FIP1L1: variants seen among roughly 807,000 people sequenced by gnomAD.
FIP1L1 encodes factor interacting with PAPOLA and CPSF1, also known as pre-mRNA 3'-end-processing factor FIP1.
In FIP1L1, 21 loss-of-function variants were observed where a neutral mutation model predicts 84.6. That is an observed-to-expected ratio of 0.25 (90% CI 0.18 to 0.36). The LOEUF (loss-of-function observed/expected upper bound fraction) is 0.36. Ranked by LOEUF, FIP1L1 falls within the 10% of genes least tolerant of loss-of-function variation. The pLI is 1.00. For missense variants in FIP1L1, 526 were observed against 751.1 expected (o/e 0.70, Z 3.50); for synonymous variants, 263 against 242.3 (o/e 1.09, Z -0.80).
chr4:53,407,392 T>C (rs921225974), intron 10 of FIP1L1, among the ~76,000 whole-genome samples: 4 of 152,248 alleles, frequency 2.6e-5, no homozygotes, highest in African/African-American at 9.6e-5. Flanking sequence ...TTATAATTTC[T>C]GTTCTTTTAC....
chr4:53,458,531 T>A, intron 16 of FIP1L1, 122 bp from the exon 17 acceptor site: 1 of 868,960 alleles, frequency 1.2e-6, no homozygotes, highest in Non-Finnish European at 1.7e-6. Flanking sequence ...CTCACTAATG[T>A]TATAAAAGAT....
chr4:53,397,781 A>G (rs1365444583), intron 9 of FIP1L1, among the ~76,000 whole-genome samples: 6 of 152,144 alleles, frequency 3.9e-5, no homozygotes, highest in African/African-American at 1.4e-4. Context: ...GTATTAGATA[A>G]TTTCTATGGT....
intron 11 of FIP1L1, among the ~76,000 whole-genome samples, chr4:53,420,218 A>AAG (rs1761750547): frequency 7.0e-6 from 1 of 142,722 alleles, no homozygotes; most frequent in African/African-American, 2.8e-5. Context: ...AAAAAAAAAA[A>AAG]AAAAAAACCA....
At chr4:53,378,243 G>T (rs1735764624) in intron 1 of FIP1L1, 2 of 279,258 alleles carry the variant, frequency 7.2e-6, no homozygotes, top group Non-Finnish European at 6.7e-6. Flanking sequence ...CTTTACCCTT[G>T]TTTTTTTCTG....
At chr4:53,399,281 A>G (rs1474184133) in intron 9 of FIP1L1, among the ~76,000 whole-genome samples, 1 of 152,244 alleles carries the variant, frequency 6.6e-6, no homozygotes, top group Non-Finnish European at 1.5e-5. Flanking sequence ...TTTGTGTTAC[A>G]GGAAATCACA....
At chr4:53,445,313 C>T (rs1773724724) in intron 15 of FIP1L1, among the ~76,000 whole-genome samples, 1 of 152,270 alleles carries the variant, frequency 6.6e-6, no homozygotes, top group Non-Finnish European at 1.5e-5. Flanking sequence ...GGTTGGCCTT[C>T]TTGGATTGGA....
chr4:53,383,107 G>A (rs939043700), intron 4 of FIP1L1, among the ~76,000 whole-genome samples: 24 of 148,514 alleles, frequency 1.6e-4, no homozygotes, highest in African/African-American at 4.9e-4. Flanking sequence ...ATTCTTTTTT[G>A]CCAAGACTTC....
At chr4:53,404,671 G>A (rs576161891) in intron 10 of FIP1L1, among the ~76,000 whole-genome samples, 5 of 151,836 alleles carry the variant, frequency 3.3e-5, no homozygotes, top group Admixed American at 6.6e-5. Flanking sequence ...TCTCCAGCAC[G>A]TGTTGTTTCC....
chr4:53,449,480 T>G (rs756301061), intron 15 of FIP1L1, among the ~76,000 whole-genome samples: 11 of 152,170 alleles, frequency 7.2e-5, no homozygotes, highest in Non-Finnish European at 1.2e-4. Context: ...TGCCCATGAT[T>G]GATTATCTTT....
At chr4:53,440,657 T>A in intron 13 of FIP1L1, 1 of 1,310,036 alleles carries the variant, frequency 7.6e-7, no homozygotes, top group Non-Finnish European at 1.1e-6. Flanking sequence ...AACATGAAAT[T>A]TCAAGCTTAT....
rs114458982 is a variant in FIP1L1 at position 53,438,806 on chromosome 4, G to A, written c.1175-3847G>A. 7.8e-3 allele frequency among the ~76,000 whole-genome samples: 1,181 copies of A among 152,142 alleles called. 15 individuals carry two copies. The highest frequency in any genetic ancestry group is 0.027 in the African/African-American group (1,115 of 41,504). On this transcript the variant is annotated intron_variant, in intron 13 of 17. Coordinates refer to ENST00000337488, the MANE Select transcript of FIP1L1 (RefSeq NM_030917.4). ...AGTTTAACAACTTAAATGTTTTTGA[G>A]GACTAAAGTTTGAAGGGGCTGACTA...
At chr4:53,391,633 C>G (rs1744279114) in intron 9 of FIP1L1, 135 bp downstream of exon 9, 2 of 622,774 alleles carry the variant, frequency 3.2e-6, no homozygotes, top group Non-Finnish European at 5.7e-6. Context: ...TGGTGACTTA[C>G]AAATTTGCTG....
chr4:53,388,418 T>A (rs1181479736), intron 5 of FIP1L1, among the ~76,000 whole-genome samples: 1 of 151,934 alleles, frequency 6.6e-6, no homozygotes, highest in Non-Finnish European at 1.5e-5. Context: ...CACTGCAAGC[T>A]CCGCCTCCTG....
chr4:53,435,474 C>T (rs1316957892), intron 13 of FIP1L1, among the ~76,000 whole-genome samples: 1 of 152,142 alleles, frequency 6.6e-6, no homozygotes, highest in Non-Finnish European at 1.5e-5. Flanking sequence ...TATTAAAAAA[C>T]ATAGGTATTT....
intron 11 of FIP1L1, among the ~76,000 whole-genome samples, chr4:53,422,490 A>G (rs1371238517): frequency 6.6e-6 from 1 of 151,886 alleles, no homozygotes; most frequent in Admixed American, 6.6e-5. Flanking sequence ...GAGAGTTGCT[A>G]CCTTATGGGT....
chr4:53,459,912 A>G lies in FIP1L1; in HGVS notation c.*463A>G, dbSNP rs1721507131. The G allele has an allele frequency of 1.8e-5, 4 of 221,668 alleles. No individual in the cohort carries two copies. The highest frequency in any genetic ancestry group is 3.6e-5 in the Non-Finnish European group (4 of 110,920). The allele number at this position is 221,668 out of a possible 1,614,324, so 13.7% of individuals were successfully genotyped here. A position where few individuals can be genotyped will look rare whatever the true frequency, so the allele number is the denominator to read the frequency against. Reference sequence around the variant, plus strand: ...TGTGACACTCTTGCTTAGTATATTAAGAGACTCATACATTTTTGATATCAC... The same window carrying G: ...TGTGACACTCTTGCTTAGTATATTAGGAGACTCATACATTTTTGATATCAC... On this transcript the variant is annotated 3_prime_UTR_variant, in exon 18 of 18. Coordinates refer to ENST00000337488, the MANE Select transcript of FIP1L1 (RefSeq NM_030917.4).
At chr4:53,380,658 A>C (rs1287852009) in intron 3 of FIP1L1, among the ~76,000 whole-genome samples, 1 of 152,224 alleles carries the variant, frequency 6.6e-6, no homozygotes, top group Admixed American at 6.5e-5. Flanking sequence ...TTCCTTACCC[A>C]AAAAATCCCC....
chr4:53,381,112 A>T (rs1737636983), intron 3 of FIP1L1, among the ~76,000 whole-genome samples: 1 of 152,100 alleles, frequency 6.6e-6, no homozygotes, highest in Non-Finnish European at 1.5e-5. Context: ...GGGGGAAAAA[A>T]CAATTTCCTT....
At chr4:53,442,914 A>G (rs566219171) in intron 14 of FIP1L1, among the ~76,000 whole-genome samples, 1 of 152,246 alleles carries the variant, frequency 6.6e-6, no homozygotes, top group African/African-American at 2.4e-5. Flanking sequence ...TAAAATCGTA[A>G]TATTTTGAAA....
Sources: allele counts gnomAD v4.1 joint callset (sites outside exome capture counted in the v4.1 genomes callset), GRCh38; gene constraint gnomAD v4.1.1; transcripts MANE v1.5; gene names NCBI Gene and HGNC (gene_info 2026-07-23, HGNC 2026-07-21).